PPFIBP2: variants seen among roughly 807,000 people sequenced by gnomAD.
PPFIBP2 encodes the protein liprin-beta-2.
A neutral mutation model predicts 118.3 loss-of-function variants in PPFIBP2; 118 were observed. The observed-to-expected ratio is 1.00, with a 90% CI of 0.86 to 1.16. The LOEUF (loss-of-function observed/expected upper bound fraction) is 1.16. Among genes scored for constraint, PPFIBP2 ranks in the 50% most tolerant of loss-of-function variants. PPFIBP2 has a pLI of 0.00. For missense variants in PPFIBP2, 1,195 were observed against 1,073.1 expected (o/e 1.11, Z -1.59); for synonymous variants, 414 against 397.4 (o/e 1.04, Z -0.50).
intron 5 of PPFIBP2, chr11:7,605,745 T>C (rs1004563281): frequency 1.5e-6 from 2 of 1,344,270 alleles, no homozygotes; most frequent in Non-Finnish European, 1.9e-6. Context: ...CAGAAGAAAT[T>C]AGAGGTTGAG....
Position 7,653,385 on chromosome 11 carries a change from C to A in PPFIBP2, c.*167C>A. On this transcript the variant is annotated 3_prime_UTR_variant, in exon 24 of 24. Transcript: ENST00000299492. The stretch of plus-strand genomic sequence containing the variant: ...TTTGAACCCTGAGGGTGGCCAGGAT[C>A]TGGAGCTGCATCTCTAAGGGGCCAG... The A allele has an allele frequency of 6.7e-7, 1 of 1,484,342 alleles. No homozygotes were observed. Among genetic ancestry groups the A allele is most frequent in the Non-Finnish European group, 8.9e-7 (1 of 1,121,384 alleles). The allele number at this position is 1,484,342 out of a possible 1,614,324, so 91.9% of individuals were successfully genotyped here.
At chr11:7,597,293 T>G in intron 4 of PPFIBP2, 1 of 1,535,604 alleles carries the variant, frequency 6.5e-7, no homozygotes, top group Non-Finnish European at 8.7e-7. Context: ...CTGTGGCTGT[T>G]GGGTGTTTTA....
At chr11:7,598,474 A>C (rs1339222678) in intron 5 of PPFIBP2, 2 of 155,800 alleles carry the variant, frequency 1.3e-5, no homozygotes, top group Non-Finnish European at 2.9e-5. Context: ...AAAACTTCAG[A>C]ATTTGTTGAG....
intron 3 of PPFIBP2, among the ~76,000 whole-genome samples, chr11:7,590,144 T>C (rs1367688245): frequency 2.0e-5 from 3 of 152,214 alleles, no homozygotes; most frequent in African/African-American, 7.2e-5. Context: ...AAGACAATCC[T>C]CTTCTTGGCC....
chr11:7,526,064 G>C (rs1479599191), intron 1 of PPFIBP2, among the ~76,000 whole-genome samples: 2 of 152,168 alleles, frequency 1.3e-5, no homozygotes, highest in African/African-American at 4.8e-5. Context: ...AAGAACTCAG[G>C]CTTGTCTCTA....
At chr11:7,665,897 G>T in the PPFIBP2 span, 1 of 1,536,026 alleles carries the variant, frequency 6.5e-7, no homozygotes, top group East Asian at 2.4e-5. Flanking sequence ...GTGGAACTGC[G>T]CAGAATTGCT....
chr11:7,588,419 AC>A (rs1265310977), intron 3 of PPFIBP2, among the ~76,000 whole-genome samples: 1 of 152,184 alleles, frequency 6.6e-6, no homozygotes, highest in Non-Finnish European at 1.5e-5. Context: ...CACAGCTGAT[AC>A]ATTTTCCTGA....
intron 3 of PPFIBP2, among the ~76,000 whole-genome samples, chr11:7,573,642 C>A (rs1390220612): frequency 6.6e-6 from 1 of 152,232 alleles, no homozygotes; most frequent in East Asian, 1.9e-4. Context: ...TGCATGTGTT[C>A]TGTGGAGGCT....
intron 6 of PPFIBP2, among the ~76,000 whole-genome samples, chr11:7,618,885 G>GT (rs36101082): frequency 0.018 from 2,228 of 124,494 alleles, 68 homozygotes; most frequent in African/African-American, 0.055. Flanking sequence ...CCATCCAGAA[G>GT]TTTTTTTTTT....
At chr11:7,613,133 TAC>T (rs1394932776) in intron 6 of PPFIBP2, among the ~76,000 whole-genome samples, 1 of 152,198 alleles carries the variant, frequency 6.6e-6, no homozygotes, top group East Asian at 1.9e-4. Flanking sequence ...AGATCTGAAA[TAC>T]AGTTTCTCAG....
chr11:7,639,608 TG>T (rs1851870210), intron 14 of PPFIBP2, 123 bp from the exon 15 acceptor site: 25 of 1,196,486 alleles, frequency 2.1e-5, no homozygotes, highest in Non-Finnish European at 2.9e-5. Flanking sequence ...CTTTGAGGGG[TG>T]TTCAAGTCAC....
intron 1 of PPFIBP2, among the ~76,000 whole-genome samples, chr11:7,523,051 G>A (rs773284229): frequency 1.3e-5 from 2 of 152,174 alleles, no homozygotes; most frequent in Non-Finnish European, 1.5e-5. Context: ...CCAGCCATGA[G>A]GACCTCATCC....
intron 14 of PPFIBP2, among the ~76,000 whole-genome samples, chr11:7,637,799 T>C (rs1418323511): frequency 1.3e-5 from 2 of 152,192 alleles, no homozygotes; most frequent in African/African-American, 4.8e-5. Context: ...GCCCTTTCCA[T>C]TGTCCTTGAT....
intron 3 of PPFIBP2, among the ~76,000 whole-genome samples, chr11:7,580,954 A>G (rs1032196612): frequency 6.6e-6 from 1 of 152,194 alleles, no homozygotes; most frequent in African/African-American, 2.4e-5. Context: ...CTTCAGCTTT[A>G]TGACCCTTCC....
At chr11:7,639,304 T>C (rs1023570901) in intron 14 of PPFIBP2, among the ~76,000 whole-genome samples, 1 of 152,214 alleles carries the variant, frequency 6.6e-6, no homozygotes, top group African/African-American at 2.4e-5. Context: ...AGGATTGTTA[T>C]TTTACATATA....
chr11:7,535,940 C>T (rs528877782), intron 1 of PPFIBP2, among the ~76,000 whole-genome samples: 7 of 152,180 alleles, frequency 4.6e-5, no homozygotes, highest in Admixed American at 2.6e-4. Flanking sequence ...ATGAGGGACC[C>T]GGAGAGCGCT....
At chr11:7,588,037 G>A (rs1004978833) in intron 3 of PPFIBP2, among the ~76,000 whole-genome samples, 1 of 152,006 alleles carries the variant, frequency 6.6e-6, no homozygotes, top group Non-Finnish European at 1.5e-5. Context: ...TTTCTTTTTT[G>A]GACCTGACAT....
chr11:7,544,768 C>T (rs1424545530), intron 1 of PPFIBP2, among the ~76,000 whole-genome samples: 1 of 120,720 alleles, frequency 8.3e-6, no homozygotes, highest in South Asian at 2.6e-4. Flanking sequence ...GGTGAGACTC[C>T]ATCTAAAAAA....
chr11:7,518,649 G>A (rs1342203354), intron 1 of PPFIBP2, among the ~76,000 whole-genome samples: 1 of 152,172 alleles, frequency 6.6e-6, no homozygotes, highest in Non-Finnish European at 1.5e-5. Context: ...GTCATGCCAA[G>A]TTAGTTCATA....
Sources: allele counts gnomAD v4.1 joint callset (sites outside exome capture counted in the v4.1 genomes callset), GRCh38; gene constraint gnomAD v4.1.1; transcripts MANE v1.5; gene names NCBI Gene and HGNC (gene_info 2026-07-23, HGNC 2026-07-21).